Variants in GABRG3 observed in about 807,000 individuals in gnomAD.
GABRG3 encodes the protein gamma-aminobutyric acid type A receptor subunit gamma3.
Under a neutral mutation model 48.8 loss-of-function variants are expected in GABRG3, and 25 were observed. The ratio of observed to expected loss-of-function variants is 0.51; its 90% confidence interval spans 0.37 to 0.72. The LOEUF (loss-of-function observed/expected upper bound fraction) is 0.72. GABRG3 is among the 30% of genes least tolerant of loss of function. GABRG3 has a pLI of 0.00. For missense variants in GABRG3, 394 were observed against 577.9 expected, an observed-to-expected ratio of 0.68 and a Z score of 3.26; for synonymous variants, 227 against 217.6, an observed-to-expected ratio of 1.04 and a Z score of -0.38.
intron 2 of GABRG3, among the ~76,000 whole-genome samples, chr15:27,020,271 T>C (rs565708283): frequency 1.3e-5 from 2 of 152,330 alleles, no homozygotes; most frequent in East Asian, 3.9e-4. Flanking sequence ...TCATCCTCAC[T>C]GCTGGTGTGG....
chr15:27,191,300 A>C (rs1436115398), intron 3 of GABRG3, among the ~76,000 whole-genome samples: 1 of 152,086 alleles, frequency 6.6e-6, no homozygotes, highest in Non-Finnish European at 1.5e-5. Flanking sequence ...TGTCTCATTG[A>C]TCTGTCTAAT....
chr15:27,380,286 G>A (rs1390420278), intron 5 of GABRG3, among the ~76,000 whole-genome samples: 1 of 151,460 alleles, frequency 6.6e-6, no homozygotes, highest in Non-Finnish European at 1.5e-5. Context: ...GTTTTTACAT[G>A]TTGTCCACTT....
chr15:27,222,223 C>T (rs1011975529), intron 3 of GABRG3, among the ~76,000 whole-genome samples: 3 of 152,306 alleles, frequency 2.0e-5, no homozygotes, highest in East Asian at 1.9e-4. Flanking sequence ...CAGCTAGAGA[C>T]GTCCCAGCCA....
At chr15:27,361,976 C>A (rs538366998) in intron 5 of GABRG3, among the ~76,000 whole-genome samples, 1 of 152,000 alleles carries the variant, frequency 6.6e-6, no homozygotes, top group Admixed American at 6.5e-5. Flanking sequence ...GAGAAAAGAC[C>A]GAGGTAAAAA....
intron 5 of GABRG3, among the ~76,000 whole-genome samples, chr15:27,385,060 T>C (rs78119165): frequency 0.053 from 8,115 of 152,268 alleles, 264 homozygotes; most frequent in Middle Eastern, 0.13. Flanking sequence ...TGCCCTTTCA[T>C]GCAGCAGGTC....
intron 3 of GABRG3, among the ~76,000 whole-genome samples, chr15:27,245,734 A>G (rs1052758823): frequency 6.6e-6 from 1 of 152,162 alleles, no homozygotes; most frequent in Non-Finnish European, 1.5e-5. Context: ...TTAGCTGGGC[A>G]TGGTGGCTGG....
intron 3 of GABRG3, among the ~76,000 whole-genome samples, chr15:27,325,376 A>G (rs1595678489): frequency 1.3e-5 from 2 of 152,074 alleles, no homozygotes; most frequent in African/African-American, 4.8e-5. Context: ...GCTACATGTG[A>G]CCTGCCATGG....
At chr15:27,228,406 T>A (rs1185826201) in intron 3 of GABRG3, among the ~76,000 whole-genome samples, 2 of 152,262 alleles carry the variant, frequency 1.3e-5, no homozygotes, top group Non-Finnish European at 2.9e-5. Flanking sequence ...CATTCTTTTT[T>A]ATGGCTGCAT....
At position 27,316,307 on chromosome 15, in the gene GABRG3, G is replaced by A. The variant is rs1893215289; in HGVS notation, c.271-10502G>A. 2.8e-5 allele frequency among the ~76,000 whole-genome samples: 4 copies of A among 143,478 alleles called. No homozygotes were observed. In the South Asian group the frequency reaches 8.7e-4, roughly 31 times the overall value. 94.1% of individuals were successfully genotyped at this position (143,478 alleles called of 152,430 possible). ...GGAGGCTGAGGCAGGAGAATGGCGT[G>A]AACCCGGGAGGCAGAGCTTGCAGTG... On this transcript the variant is annotated intron_variant, in intron 3 of 9. Coordinates refer to ENST00000615808, the MANE Select transcript of GABRG3 (RefSeq NM_033223.5).
chr15:27,528,309 T>C (rs923661254), intron 9 of GABRG3, among the ~76,000 whole-genome samples: 3 of 152,248 alleles, frequency 2.0e-5, no homozygotes, highest in African/African-American at 7.2e-5. Flanking sequence ...TATTGTTTTA[T>C]AGCCTCTTTT....
intron 6 of GABRG3, among the ~76,000 whole-genome samples, chr15:27,516,448 A>T (rs1891021022): frequency 6.6e-6 from 1 of 152,212 alleles, no homozygotes; most frequent in African/African-American, 2.4e-5. Context: ...TCTGGGGATA[A>T]AGCCCCATCT....
intron 3 of GABRG3, among the ~76,000 whole-genome samples, chr15:27,171,458 T>A (rs1887563361): frequency 6.6e-6 from 1 of 151,356 alleles, no homozygotes; most frequent in Admixed American, 6.6e-5. Context: ...CCAAGACATA[T>A]GCCATGCTAT....
At chr15:27,190,703 G>T (rs11636587) in intron 3 of GABRG3, among the ~76,000 whole-genome samples, 1 of 151,678 alleles carries the variant, frequency 6.6e-6, no homozygotes, top group Non-Finnish European at 1.5e-5. Flanking sequence ...ATTTTTTGAA[G>T]GGTTTTTTGT....
At chr15:27,305,017 T>G (rs1004468218) in intron 3 of GABRG3, among the ~76,000 whole-genome samples, 1 of 151,972 alleles carries the variant, frequency 6.6e-6, no homozygotes, top group African/African-American at 2.4e-5. Context: ...TATTTCTTCC[T>G]TTGGTGGCTT....
rs1898062539 is a variant in GABRG3 at position 27,139,262 on chromosome 15, G to GT, written c.270+112444dup. 2.0e-5 allele frequency among the ~76,000 whole-genome samples: 3 copies of GT among 152,178 alleles called. No homozygotes were observed. In the South Asian group the frequency reaches 6.2e-4, roughly 31 times the overall value. On this transcript the variant is annotated intron_variant, in intron 3 of 9. Transcript: ENST00000615808. ...CCGCAGGCTTGAGAAACTGCGGCTG[G>GT]TTTGGGGGGTGCAGAGAGGGGATGG...
chr15:27,084,584 A>G (rs529097935), intron 3 of GABRG3, among the ~76,000 whole-genome samples: 27 of 152,380 alleles, frequency 1.8e-4, no homozygotes, highest in African/African-American at 6.2e-4. Flanking sequence ...GCATGGCACA[A>G]GAGTCAGAGA....
chr15:27,078,278 TCAGGTGC>T (rs753556505), intron 3 of GABRG3, among the ~76,000 whole-genome samples: 259 of 152,330 alleles, frequency 1.7e-3, no homozygotes, highest in Non-Finnish European at 2.9e-3. Flanking sequence ...AGTCAGTCAG[TCAGGTGC>T]CAGATTTATA....
intron 3 of GABRG3, among the ~76,000 whole-genome samples, chr15:27,194,504 T>G (rs1302960643): frequency 1.3e-5 from 2 of 152,210 alleles, no homozygotes; most frequent in African/African-American, 2.4e-5. Context: ...TTATTTGTCC[T>G]TTATTTCTAG....
intron 3 of GABRG3, among the ~76,000 whole-genome samples, chr15:27,249,145 G>T (rs1890370830): frequency 1.3e-5 from 2 of 152,208 alleles, no homozygotes; most frequent in Non-Finnish European, 2.9e-5. Context: ...AGGTGATGCG[G>T]CTGCGGGAGG....
Sources: allele counts gnomAD v4.1 joint callset (sites outside exome capture counted in the v4.1 genomes callset), GRCh38; gene constraint gnomAD v4.1.1; transcripts MANE v1.5; gene names NCBI Gene and HGNC (gene_info 2026-07-23, HGNC 2026-07-21).